The following PTPRG variants were observed in gnomAD, a reference collection of about 807,000 sequenced individuals.
The protein encoded by PTPRG is protein tyrosine phosphatase receptor type G.
PTPRG carries 102 observed loss-of-function variants against 165.3 expected under a neutral mutation model. The ratio of observed to expected loss-of-function variants is 0.62; its 90% CI spans 0.53 to 0.73. The LOEUF is 0.73. PTPRG is among the 30% of genes least tolerant of loss of function. The pLI, the probability that PTPRG is intolerant of heterozygous loss-of-function variation, is 0.00. For missense variants in PTPRG, 1,866 were observed against 1,861.4 expected, an observed-to-expected ratio of 1.00 and a Z score of -0.05; for synonymous variants, 675 against 669.5, an observed-to-expected ratio of 1.01 and a Z score of -0.13.
At chr3:61,994,664 T>C (rs2040977162) in intron 3 of PTPRG, among the ~76,000 whole-genome samples, 1 of 152,222 alleles carries the variant, frequency 6.6e-6, no homozygotes, top group African/African-American at 2.4e-5. Context: ...TAGAAGTTTT[T>C]AGTAGAGTAG....
intron 5 of PTPRG, among the ~76,000 whole-genome samples, chr3:62,109,849 A>G (rs1702604395): frequency 6.6e-6 from 1 of 151,754 alleles, no homozygotes; most frequent in East Asian, 1.9e-4. Flanking sequence ...CCAGTGAGTC[A>G]CTCTTCTGGG....
In PTPRG at chr3:62,191,485, C is replaced by T; in HGVS notation, c.1050C>T (p.Pro350=). 6.2e-7 allele frequency: 1 copy of T among 1,613,906 alleles called. No homozygotes were observed. The highest frequency in any genetic ancestry group is 8.5e-7 in the Non-Finnish European group (1 of 1,179,986). The change falls in exon 9 of 30, where the codon CCC becomes CCT. Residue 350 remains proline (P), a synonymous_variant. Transcript: ENST00000474889. The part of the protein sequence containing the change: ...TEASKVCSSP[P]IHMKVQPLNQ... ...TATCTTCAGTTTGCAGCTCTCCACC[C>T]ATCCACATGAAGGTGCAGCCTCTGA...
At chr3:61,730,351 C>G (rs73099188) in intron 1 of PTPRG, among the ~76,000 whole-genome samples, 2 of 152,332 alleles carry the variant, frequency 1.3e-5, no homozygotes, top group Non-Finnish European at 2.9e-5. Context: ...GGAAGAAATG[C>G]AAAACACATT....
chr3:62,083,659 A>T (rs535977383), intron 5 of PTPRG, among the ~76,000 whole-genome samples: 2 of 152,316 alleles, frequency 1.3e-5, no homozygotes, highest in East Asian at 3.9e-4. Flanking sequence ...AAGAGTACCC[A>T]ATACTTACAA....
chr3:62,273,009 C>A lies in PTPRG; in HGVS notation c.3246C>A (p.Asp1082Glu), dbSNP rs759422076. ...ACAGCATGCTGCAACAGATAAAAGACAAAAGCACAGTTAACGTCCTGGGAT... is the reference window on the plus strand; with the variant it reads ...ACAGCATGCTGCAACAGATAAAAGAAAAAAGCACAGTTAACGTCCTGGGAT... The part of the protein sequence containing the change: ...VIDSMLQQIK[D>E]KSTVNVLGFL... The change falls in exon 22 of 30, where the codon GAC (aspartate) becomes GAA (glutamate). Residue 1082 changes from aspartate (D) to glutamate (E), a missense_variant. Physicochemically the swap from Asp to Glu is conservative, Grantham distance 45. Transcript: ENST00000474889. The surrounding 1 kb of genome is among the most constrained non-coding windows in gnomAD (Gnocchi z 4.1). 2 of 1,613,638 alleles carry A rather than the reference C, an allele frequency of 1.2e-6. No individual in the cohort carries two copies. The highest frequency in any genetic ancestry group is 2.7e-5 in the African/African-American group (2 of 74,900).
At chr3:61,627,374 T>C (rs1414107749) in intron 1 of PTPRG, among the ~76,000 whole-genome samples, 1 of 152,124 alleles carries the variant, frequency 6.6e-6, no homozygotes, top group African/African-American at 2.4e-5. Context: ...AGGGAATGGT[T>C]ATGTGGGGAC....
intron 4 of PTPRG, among the ~76,000 whole-genome samples, chr3:62,071,400 A>T: frequency 6.6e-6 from 1 of 152,200 alleles, no homozygotes; most frequent in African/African-American, 2.4e-5. Flanking sequence ...ACTTAGGCAC[A>T]CAACTATAAT....
At chr3:62,147,730 T>C (rs750511615) in intron 6 of PTPRG, among the ~76,000 whole-genome samples, 1 of 152,218 alleles carries the variant, frequency 6.6e-6, no homozygotes, top group Non-Finnish European at 1.5e-5. Context: ...AGGCACCTAC[T>C]GTGTTCTGGG....
At chr3:61,935,696 T>C (rs965421049) in intron 2 of PTPRG, among the ~76,000 whole-genome samples, 1 of 151,922 alleles carries the variant, frequency 6.6e-6, no homozygotes, top group Non-Finnish European at 1.5e-5. Context: ...CTTACCTTTT[T>C]TTTTTTTTAA....
At chr3:61,892,892 T>TG (rs1421321419) in intron 2 of PTPRG, among the ~76,000 whole-genome samples, 1 of 152,026 alleles carries the variant, frequency 6.6e-6, no homozygotes, top group Non-Finnish European at 1.5e-5. Context: ...AAATAAAAAT[T>TG]GGGGCTCACT....
chr3:61,691,922 AAAG>A (rs1220358982), intron 1 of PTPRG, among the ~76,000 whole-genome samples: 1 of 152,242 alleles, frequency 6.6e-6, no homozygotes, highest in Non-Finnish European at 1.5e-5. Flanking sequence ...GGGAGGATAA[AAAG>A]GGGATGTTTA....
intron 1 of PTPRG, among the ~76,000 whole-genome samples, chr3:61,621,049 A>ATGTGTGTGTGTGTGTG (rs759319362): frequency 1.9e-5 from 2 of 104,216 alleles, no homozygotes; most frequent in African/African-American, 6.8e-5. Context: ...ATATATATAT[A>ATGTGTGTGTGTGTGTG]TATGTGTGTG....
intron 2 of PTPRG, among the ~76,000 whole-genome samples, chr3:61,988,914 G>A (rs1448021824): frequency 6.6e-6 from 1 of 152,130 alleles, no homozygotes; most frequent in Non-Finnish European, 1.5e-5. Flanking sequence ...TATGCTTTAT[G>A]GTTGTGCTTT....
intron 2 of PTPRG, among the ~76,000 whole-genome samples, chr3:61,915,102 G>T (rs543155194): frequency 1.7e-3 from 258 of 152,270 alleles, no homozygotes; most frequent in African/African-American, 6.0e-3. Flanking sequence ...GGTGGTGCGT[G>T]CCTGTAGTCC....
chr3:62,184,000 A>G (rs1705768362), intron 8 of PTPRG, among the ~76,000 whole-genome samples: 1 of 152,194 alleles, frequency 6.6e-6, no homozygotes, highest in South Asian at 2.1e-4. Flanking sequence ...GTGCCCTGTC[A>G]ACTCTGGTTC....
chr3:61,625,053 A>T (rs905618538), intron 1 of PTPRG, among the ~76,000 whole-genome samples: 10 of 151,410 alleles, frequency 6.6e-5, no homozygotes, highest in African/African-American at 2.2e-4. Flanking sequence ...TCTTCCCTTT[A>T]CGCATATCTC....
chr3:62,078,753 T>A (rs370939522), intron 5 of PTPRG, among the ~76,000 whole-genome samples: 1 of 152,230 alleles, frequency 6.6e-6, no homozygotes, highest in East Asian at 1.9e-4. Flanking sequence ...TGAACTCTTA[T>A]CCTTCTGTCC....
intron 2 of PTPRG, among the ~76,000 whole-genome samples, chr3:61,948,523 C>T (rs549034635): frequency 3.7e-4 from 56 of 151,844 alleles, no homozygotes; most frequent in Non-Finnish European, 7.7e-4. Flanking sequence ...TTATGGGGGG[C>T]GGTCAAGGGT....
chr3:62,042,000 C>G (rs1015607315), intron 4 of PTPRG, among the ~76,000 whole-genome samples: 5 of 152,132 alleles, frequency 3.3e-5, no homozygotes, highest in Admixed American at 6.6e-5. Context: ...GTTAAACACC[C>G]AGGCTTTAGT....
Sources: gnomAD v4.1 joint callset for allele counts (sites outside exome capture counted in the v4.1 genomes callset) on GRCh38, gnomAD v4.1.1 for gene constraint, Gnocchi (gnomAD v3.1) non-coding constraint, MANE v1.5 for transcripts, NCBI Gene and HGNC (gene_info 2026-07-23, HGNC 2026-07-21) for gene names.